The following FRYL variants were observed in gnomAD, a reference collection of about 807,000 sequenced individuals.
FRYL encodes protein furry homolog-like.
In FRYL, 150 loss-of-function variants were observed where a neutral mutation model predicts 351.2. That is an observed-to-expected ratio of 0.43 (90% CI 0.37 to 0.49). The LOEUF is 0.49. Ranked by LOEUF, FRYL falls within the 20% of genes least tolerant of loss-of-function variation. The pLI is 0.00. For synonymous variants in FRYL, 1,153 were observed against 1,257.1 expected (o/e 0.92, Z 1.75); for missense variants, 3,036 against 3,619.3 (o/e 0.84, Z 4.13).
intron 42 of FRYL, 67 bp from the exon 43 acceptor site, chr4:48,544,971 T>C (rs1302404633): frequency 6.0e-6 from 9 of 1,509,340 alleles, no homozygotes; most frequent in Non-Finnish European, 8.0e-6. Context: ...TACTCACACT[T>C]GCCTAAATTA....
chr4:48,540,443 A>C lies in FRYL; in HGVS notation c.6205T>G (p.Ser2069Ala). Reference sequence around the variant, plus strand: ...ACGGTCATTTCTTGTGTAGATGCTGAGGTAAAACCCTTAAGGAAGAGCTGC... The same window carrying C: ...ACGGTCATTTCTTGTGTAGATGCTGCGGTAAAACCCTTAAGGAAGAGCTGC... The part of the protein sequence containing the change: ...LQQLFLKGFT[S>A]ASTQEMTVHL... Residue 2069 changes from serine to alanine, a missense_variant, in exon 46 of 64, where the codon TCA becomes GCA. This residue lies in a region of FRYL where 1,987 missense variants were observed against 2,311.7 expected (regional missense o/e 0.86). Transcript: ENST00000358350. 6.2e-7 allele frequency: 1 copy of C among 1,613,734 alleles called. No homozygotes were observed. The highest frequency in any genetic ancestry group is 8.5e-7 in the Non-Finnish European group (1 of 1,179,794).
At chr4:48,674,412 T>C (rs1465472978) in intron 3 of FRYL, among the ~76,000 whole-genome samples, 1 of 152,130 alleles carries the variant, frequency 6.6e-6, no homozygotes. Context: ...AGGATAAGAT[T>C]ATATCACATC....
chr4:48,616,471 CA>C (rs1749456293), intron 7 of FRYL, among the ~76,000 whole-genome samples: 1 of 152,030 alleles, frequency 6.6e-6, no homozygotes, highest in Admixed American at 6.6e-5. Context: ...AAAATGATAT[CA>C]CACATTTTTA....
chr4:48,509,846 TATGG>T (rs1722109155), intron 59 of FRYL, among the ~76,000 whole-genome samples: 1 of 152,212 alleles, frequency 6.6e-6, no homozygotes. Context: ...TTTACAAAGC[TATGG>T]TTTTCCATTG....
At chr4:48,779,347 C>G (rs1776378018) in intron 1 of FRYL, among the ~76,000 whole-genome samples, 1 of 152,192 alleles carries the variant, frequency 6.6e-6, no homozygotes, top group South Asian at 2.1e-4. Flanking sequence ...CCGCGGTGTC[C>G]GCAGGGCTGG....
chr4:48,532,236 A>C (rs937698073), intron 49 of FRYL, among the ~76,000 whole-genome samples: 4 of 150,406 alleles, frequency 2.7e-5, no homozygotes, highest in Non-Finnish European at 5.9e-5. Flanking sequence ...GAAGTAAAAA[A>C]TCTTTGGCAG....
chr4:48,659,918 G>GAGAAGGAGGAGA lies in FRYL; in HGVS notation c.-81+24754_-81+24755insTCTCCTCCTTCT, dbSNP rs1760320869. Among the ~76,000 whole-genome samples the GAGAAGGAGGAGA allele has an allele frequency of 2.5e-3, 2 of 786 alleles. 1 individual carries two copies. The highest frequency in any genetic ancestry group is 4.1e-3 in the African/African-American group (2 of 486). The allele number at this position is 786 out of a possible 152,430, so 0.5% of individuals were successfully genotyped here. A position where few individuals can be genotyped will look rare whatever the true frequency, so the allele number is the denominator to read the frequency against. On this transcript the variant is annotated intron_variant, in intron 3 of 63. Coordinates refer to ENST00000358350, the MANE Select transcript of FRYL (RefSeq NM_015030.2). Reference sequence around the variant, plus strand: ...GGAGAAGGAGAAGGAGAAGGAGAAGGAGAAGAAGAAGAAGAAGAAGAAGAA... The same window carrying GAGAAGGAGGAGA: ...GGAGAAGGAGAAGGAGAAGGAGAAGGAGAAGGAGGAGAAGAAGAAGAAGAAGAAGAAGAAGAA...
At position 48,667,256 on chromosome 4, in the gene FRYL, G is replaced by C. The variant is rs188942456; in HGVS notation, c.-81+17417C>G. ...GGACAATCCATTCCACTGAGGACAG[G>C]TCATTGAAGACAGGTCCATACAACA... is the stretch of plus-strand genomic sequence containing the variant. On this transcript the variant is annotated intron_variant, in intron 3 of 63. Transcript: ENST00000358350. Among the ~76,000 whole-genome samples the C allele has an allele frequency of 1.3e-3, 199 of 152,248 alleles. 1 individual carries two copies. Among genetic ancestry groups the C allele is most frequent in the African/African-American group, 4.2e-3 (176 of 41,530 alleles).
intron 3 of FRYL, among the ~76,000 whole-genome samples, chr4:48,663,035 T>A (rs1761080748): frequency 6.6e-6 from 1 of 152,128 alleles, no homozygotes; most frequent in African/African-American, 2.4e-5. Context: ...TACAAATGAA[T>A]GAAGAATGTC....
chr4:48,632,158 A>C (rs2149363243), intron 4 of FRYL, among the ~76,000 whole-genome samples: 1 of 140,762 alleles, frequency 7.1e-6, no homozygotes, highest in Admixed American at 7.3e-5. Flanking sequence ...ATATATAAAT[A>C]TATATATAAA....
chr4:48,595,008 T>G (rs1207880921), intron 15 of FRYL, among the ~76,000 whole-genome samples: 1 of 152,188 alleles, frequency 6.6e-6, no homozygotes, highest in Non-Finnish European at 1.5e-5. Flanking sequence ...GTGAGTCTCT[T>G]TGGGAACTGG....
At chr4:48,518,292 T>C (rs533785356) in intron 55 of FRYL, among the ~76,000 whole-genome samples, 2 of 152,268 alleles carry the variant, frequency 1.3e-5, no homozygotes, top group East Asian at 3.9e-4. Context: ...CCATCAGTTC[T>C]CTCCTGTAAA....
intron 3 of FRYL, among the ~76,000 whole-genome samples, chr4:48,674,989 C>T (rs552245418): frequency 9.8e-5 from 15 of 152,296 alleles, no homozygotes; most frequent in African/African-American, 3.4e-4. Flanking sequence ...ACGCCATTGT[C>T]TTTTTGCCTA....
At chr4:48,739,525 A>G (rs1431851864) in intron 1 of FRYL, among the ~76,000 whole-genome samples, 1 of 152,150 alleles carries the variant, frequency 6.6e-6, no homozygotes, top group East Asian at 1.9e-4. Flanking sequence ...AAAAAAATAA[A>G]TAAAGAAATC....
chr4:48,589,993 G>A, intron 17 of FRYL, 116 bp from the exon 18 acceptor site: 1 of 828,358 alleles, frequency 1.2e-6, no homozygotes, highest in Non-Finnish European at 1.9e-6. Context: ...CCACAAAAGG[G>A]GTTTCAACTG....
At chr4:48,776,488 G>A (rs1350787365) in intron 1 of FRYL, among the ~76,000 whole-genome samples, 1 of 152,058 alleles carries the variant, frequency 6.6e-6, no homozygotes, top group African/African-American at 2.4e-5. Context: ...AGTACTTTAG[G>A]CAACAGTAAA....
chr4:48,499,349 G>A lies in FRYL; in HGVS notation c.*73C>T, dbSNP rs1719037844. 2.3e-6 allele frequency: 3 copies of A among 1,313,960 alleles called. No homozygotes were observed. The highest frequency in any genetic ancestry group is 4.6e-5 in the East Asian group (2 of 43,296). 81.4% of individuals were successfully genotyped at this position (1,313,960 alleles called of 1,614,324 possible). On this transcript the variant is annotated 3_prime_UTR_variant, in exon 64 of 64. Transcript: ENST00000358350. The stretch of plus-strand genomic sequence containing the variant: ...CAGAAAGTTATCAGTGAATGCAAGG[G>A]TCCATAAAAGGTGCTTGGTTAATAT...
chr4:48,597,456 T>A (rs1023889223), intron 13 of FRYL, among the ~76,000 whole-genome samples: 1 of 152,122 alleles, frequency 6.6e-6, no homozygotes, highest in Non-Finnish European at 1.5e-5. Context: ...TTAACAAATG[T>A]ATCACTCTGA....
intron 3 of FRYL, among the ~76,000 whole-genome samples, chr4:48,679,755 T>C (rs1250624671): frequency 2.0e-5 from 3 of 152,094 alleles, no homozygotes; most frequent in African/African-American, 7.2e-5. Context: ...AAGATCACTA[T>C]ACACTGTAAG....
Sources: gnomAD v4.1 joint callset for allele counts (sites outside exome capture counted in the v4.1 genomes callset) on GRCh38, gnomAD v4.1.1 for gene constraint, gnomAD v4.1.1 regional missense constraint, MANE v1.5 for transcripts, NCBI Gene and HGNC (gene_info 2026-07-23, HGNC 2026-07-21) for gene names.